The following XIRP2 variants were observed in gnomAD, a reference collection of about 807,000 sequenced individuals.
The protein encoded by XIRP2 is xin actin-binding repeat-containing protein 2.
Under a neutral mutation model 277.0 loss-of-function variants are expected in XIRP2, and 236 were observed. That is an observed-to-expected ratio of 0.85 (90% CI 0.77 to 0.95). XIRP2 has a LOEUF of 0.95. Ranked by LOEUF, XIRP2 falls within the 40% of genes least tolerant of loss-of-function variation. XIRP2 has a pLI of 0.00. For missense variants in XIRP2, 4,640 were observed against 4,157.5 expected, an observed-to-expected ratio of 1.12 and a Z score of -3.19; for synonymous variants, 1,490 against 1,416.5, an observed-to-expected ratio of 1.05 and a Z score of -1.17.
intron 6 of XIRP2, 58 bp downstream of exon 6, chr2:167,240,023 G>T (rs1695008690): frequency 6.9e-7 from 1 of 1,440,578 alleles, no homozygotes. Context: ...TGGAAATTAT[G>T]ACTTTGTTGT....
Position 167,206,631 on chromosome 2 carries a change from G to A in XIRP2, c.563-4104G>A, listed in dbSNP as rs115343002. 3.8e-3 allele frequency among the ~76,000 whole-genome samples: 579 copies of A among 152,178 alleles called. 5 individuals carry two copies. Among genetic ancestry groups the A allele is most frequent in the African/African-American group, 0.013 (548 of 41,524 alleles). On this transcript the variant is annotated intron_variant, in intron 3 of 10. Transcript: ENST00000409195. ...TTCAAAGTGCTTTCCATTTTGTTCTGCAGACTTTTGCATTGTCCACAATGG... is the reference window on the plus strand; with the variant it reads ...TTCAAAGTGCTTTCCATTTTGTTCTACAGACTTTTGCATTGTCCACAATGG...
At chr2:167,150,409 C>A (rs1691983285) in intron 3 of XIRP2, among the ~76,000 whole-genome samples, 1 of 151,664 alleles carries the variant, frequency 6.6e-6, no homozygotes, top group Non-Finnish European at 1.5e-5. Context: ...TCTCTTTAAT[C>A]AAAAGAAATA....
At chr2:167,175,342 G>A (rs746537192) in intron 3 of XIRP2, among the ~76,000 whole-genome samples, 1 of 152,124 alleles carries the variant, frequency 6.6e-6, no homozygotes, top group Non-Finnish European at 1.5e-5. Context: ...TTTTGTTGAT[G>A]TTAATGCTAT....
chr2:167,032,699 C>G (rs1044609474), intron 2 of XIRP2, among the ~76,000 whole-genome samples: 1 of 152,080 alleles, frequency 6.6e-6, no homozygotes, highest in Non-Finnish European at 1.5e-5. Flanking sequence ...AAAAAAAGCT[C>G]ATCATCACTG....
intron 2 of XIRP2, among the ~76,000 whole-genome samples, chr2:167,085,646 A>G (rs1434209469): frequency 6.6e-6 from 1 of 152,056 alleles, no homozygotes; most frequent in Non-Finnish European, 1.5e-5. Context: ...GTGCATATAT[A>G]TTTAGGATAG....
intron 2 of XIRP2, among the ~76,000 whole-genome samples, chr2:166,982,985 T>A (rs1199102561): frequency 1.8e-4 from 27 of 152,184 alleles, no homozygotes; most frequent in Admixed American, 1.8e-3. Flanking sequence ...AATATACTAG[T>A]GCTGGCTGTT....
intron 2 of XIRP2, among the ~76,000 whole-genome samples, chr2:167,042,169 T>G (rs1688674287): frequency 6.6e-6 from 1 of 152,166 alleles, no homozygotes; most frequent in Non-Finnish European, 1.5e-5. Context: ...AGACCTGCCT[T>G]ACAACAGTTC....
chr2:167,066,146 G>C (rs1336330211), intron 2 of XIRP2, among the ~76,000 whole-genome samples: 1 of 151,852 alleles, frequency 6.6e-6, no homozygotes, highest in Non-Finnish European at 1.5e-5. Context: ...GTATTGTAAA[G>C]TATAGACACT....
chr2:167,137,712 C>T (rs1365360970), intron 3 of XIRP2, among the ~76,000 whole-genome samples: 1 of 152,108 alleles, frequency 6.6e-6, no homozygotes, highest in Non-Finnish European at 1.5e-5. Context: ...ATACACATTT[C>T]CAGGTACATT....
At chr2:167,092,747 G>T (rs1198801303) in intron 2 of XIRP2, among the ~76,000 whole-genome samples, 1 of 151,944 alleles carries the variant, frequency 6.6e-6, no homozygotes, top group Non-Finnish European at 1.5e-5. Context: ...ATTCAGAGAT[G>T]GGCTCTAAGA....
intron 1 of XIRP2, among the ~76,000 whole-genome samples, chr2:166,897,971 A>G (rs1447069276): frequency 6.6e-6 from 1 of 152,124 alleles, no homozygotes; most frequent in African/African-American, 2.4e-5. Flanking sequence ...GGGCTTATAG[A>G]ATCAACAACT....
At chr2:167,088,105 A>G (rs1405279654) in intron 2 of XIRP2, among the ~76,000 whole-genome samples, 2 of 152,186 alleles carry the variant, frequency 1.3e-5, no homozygotes, top group African/African-American at 4.8e-5. Flanking sequence ...TGGAAAGAAT[A>G]GGAAGTATAG....
At chr2:167,000,011 T>A (rs574843114) in intron 2 of XIRP2, among the ~76,000 whole-genome samples, 1 of 152,314 alleles carries the variant, frequency 6.6e-6, no homozygotes, top group South Asian at 2.1e-4. Flanking sequence ...AGTAGGCAAC[T>A]ATGTTGCAAA....
chr2:167,023,173 T>G (rs964840597), intron 2 of XIRP2, among the ~76,000 whole-genome samples: 1 of 152,366 alleles, frequency 6.6e-6, no homozygotes, highest in Middle Eastern at 3.4e-3. Flanking sequence ...GGTATCTCAT[T>G]GTGGTTTTCA....
At chr2:167,005,111 C>T (rs1687472473) in intron 2 of XIRP2, among the ~76,000 whole-genome samples, 1 of 151,688 alleles carries the variant, frequency 6.6e-6, no homozygotes, top group Non-Finnish European at 1.5e-5. Flanking sequence ...GTTATCATAC[C>T]TCTGGCATGA....
chr2:167,024,782 C>T (rs1160824725), intron 2 of XIRP2, among the ~76,000 whole-genome samples: 1 of 152,110 alleles, frequency 6.6e-6, no homozygotes, highest in Admixed American at 6.6e-5. Flanking sequence ...GTTGAACCAG[C>T]CTTGCATCCC....
At chr2:166,911,412 T>G (rs960475041) in intron 2 of XIRP2, among the ~76,000 whole-genome samples, 2 of 152,202 alleles carry the variant, frequency 1.3e-5, no homozygotes, top group Non-Finnish European at 2.9e-5. Flanking sequence ...GTCTGTTTTA[T>G]CAGAGACTAG....
At chr2:166,974,527 T>A (rs1052053091) in intron 2 of XIRP2, among the ~76,000 whole-genome samples, 12 of 151,986 alleles carry the variant, frequency 7.9e-5, no homozygotes, top group African/African-American at 2.9e-4. Flanking sequence ...ATCTGATATA[T>A]GGAATTATAC....
intron 2 of XIRP2, among the ~76,000 whole-genome samples, chr2:167,119,226 T>C (rs911995898): frequency 3.3e-5 from 5 of 152,148 alleles, no homozygotes; most frequent in Non-Finnish European, 7.3e-5. Context: ...GGAAACTAGA[T>C]TTTTTCCCCT....
Sources: gnomAD v4.1 joint callset for allele counts (sites outside exome capture counted in the v4.1 genomes callset) on GRCh38, gnomAD v4.1.1 for gene constraint, MANE v1.5 for transcripts, NCBI Gene and HGNC (gene_info 2026-07-23, HGNC 2026-07-21) for gene names.